The following TMEM117 variants were observed in gnomAD, a reference collection of about 807,000 sequenced individuals.
The protein encoded by TMEM117 is transmembrane protein 117.
Under a neutral mutation model 52.4 loss-of-function variants are expected in TMEM117, and 27 were observed. The observed-to-expected ratio is 0.51, with a 90% confidence interval of 0.38 to 0.71. TMEM117 has a LOEUF of 0.71. TMEM117 is among the 30% of genes least tolerant of loss of function. The pLI, the probability that TMEM117 is intolerant of heterozygous loss-of-function variation, is 0.00. For missense variants in TMEM117, 556 were observed against 630.5 expected, an observed-to-expected ratio of 0.88 and a Z score of 1.26; for synonymous variants, 215 against 206.3, an observed-to-expected ratio of 1.04 and a Z score of -0.36.
chr12:44,259,388 T>G (rs2138535316), intron 5 of TMEM117, among the ~76,000 whole-genome samples: 1 of 152,300 alleles, frequency 6.6e-6, no homozygotes. Flanking sequence ...ATTACAAAGC[T>G]TACTAAAGGG....
chr12:44,046,770 T>G (rs1946887155), intron 3 of TMEM117, among the ~76,000 whole-genome samples: 1 of 152,212 alleles, frequency 6.6e-6, no homozygotes, highest in Non-Finnish European at 1.5e-5. Context: ...AGAAAATATC[T>G]TCATTTTATT....
intron 6 of TMEM117, among the ~76,000 whole-genome samples, chr12:44,367,742 G>A (rs1225017981): frequency 6.6e-6 from 1 of 152,022 alleles, no homozygotes; most frequent in Non-Finnish European, 1.5e-5. Context: ...CATATACTGA[G>A]CTCTCTGGAT....
chr12:43,864,671 C>T (rs191083237), intron 2 of TMEM117, among the ~76,000 whole-genome samples: 6 of 152,266 alleles, frequency 3.9e-5, no homozygotes, highest in Non-Finnish European at 7.4e-5. Context: ...AATCAGCACC[C>T]TGTCAAAACA....
At chr12:44,335,222 C>T (rs1207056646) in intron 6 of TMEM117, among the ~76,000 whole-genome samples, 2 of 151,956 alleles carry the variant, frequency 1.3e-5, no homozygotes, top group Non-Finnish European at 2.9e-5. Context: ...CTTGAAAATT[C>T]AGAGGAGTGT....
chr12:43,846,548 C>T (rs1697150610), intron 2 of TMEM117, among the ~76,000 whole-genome samples: 1 of 152,164 alleles, frequency 6.6e-6, no homozygotes, highest in Non-Finnish European at 1.5e-5. Flanking sequence ...ATGTTCATCG[C>T]TTATTACATG....
At chr12:44,398,661 C>A in the TMEM117 span, among the ~76,000 whole-genome samples, 1 of 152,150 alleles carries the variant, frequency 6.6e-6, no homozygotes, top group Non-Finnish European at 1.5e-5. Context: ...CTGCTGGGGG[C>A]AGGCTACTGG....
intron 5 of TMEM117, among the ~76,000 whole-genome samples, chr12:44,278,107 T>C (rs1015568289): frequency 6.6e-6 from 1 of 152,150 alleles, no homozygotes; most frequent in Non-Finnish European, 1.5e-5. Flanking sequence ...GTTAGGCCCC[T>C]ACAGATAATC....
chr12:44,168,125 G>A (rs539445465), intron 4 of TMEM117, among the ~76,000 whole-genome samples: 153 of 152,042 alleles, frequency 1.0e-3, no homozygotes, highest in African/African-American at 3.5e-3. Context: ...GTGGTGGTGC[G>A]TGCCTGTAGT....
At chr12:43,897,179 T>C (rs1340052924) in intron 2 of TMEM117, among the ~76,000 whole-genome samples, 2 of 152,344 alleles carry the variant, frequency 1.3e-5, no homozygotes, top group Non-Finnish European at 2.9e-5. Flanking sequence ...TTTTCCTCAG[T>C]CTCTCACCAT....
At chr12:44,379,135 A>G (rs1951983474) in intron 7 of TMEM117, among the ~76,000 whole-genome samples, 1 of 151,518 alleles carries the variant, frequency 6.6e-6, no homozygotes, top group Non-Finnish European at 1.5e-5. Context: ...ATAGAAAGAA[A>G]GGAAGAAAGA....
intron 3 of TMEM117, among the ~76,000 whole-genome samples, chr12:43,986,614 G>A (rs571902651): frequency 6.6e-6 from 1 of 152,086 alleles, no homozygotes; most frequent in Non-Finnish European, 1.5e-5. Context: ...CTAAATTTTA[G>A]AATCAATATC....
At chr12:44,206,706 A>G (rs1049203984) in intron 4 of TMEM117, among the ~76,000 whole-genome samples, 9 of 152,172 alleles carry the variant, frequency 5.9e-5, no homozygotes, top group African/African-American at 2.2e-4. Flanking sequence ...GCAAATTAAT[A>G]AAGGAACAGA....
chr12:44,251,624 T>C (rs2138513306), intron 5 of TMEM117, among the ~76,000 whole-genome samples: 1 of 152,302 alleles, frequency 6.6e-6, no homozygotes, highest in South Asian at 2.1e-4. Flanking sequence ...TTGGATTAAT[T>C]TATAACCCAA....
At chr12:44,119,685 G>T (rs528025436) in intron 3 of TMEM117, among the ~76,000 whole-genome samples, 1 of 152,210 alleles carries the variant, frequency 6.6e-6, no homozygotes, top group South Asian at 2.1e-4. Context: ...AGGAGCTTTA[G>T]CCATGTCAGT....
chr12:43,981,929 T>C (rs1945767544), intron 3 of TMEM117, among the ~76,000 whole-genome samples: 2 of 152,084 alleles, frequency 1.3e-5, no homozygotes, highest in Non-Finnish European at 1.5e-5. Context: ...GAGTAAGTTG[T>C]GGTGTTCTAT....
chr12:44,082,564 A>G (rs1203649651), intron 3 of TMEM117, among the ~76,000 whole-genome samples: 4 of 152,110 alleles, frequency 2.6e-5, no homozygotes, highest in South Asian at 2.1e-4. Context: ...ATTGAGAGAA[A>G]TATGTTACAT....
intron 3 of TMEM117, among the ~76,000 whole-genome samples, chr12:44,076,643 T>C (rs1242429769): frequency 6.6e-6 from 1 of 152,216 alleles, no homozygotes; most frequent in Non-Finnish European, 1.5e-5. Context: ...ATATCTCCAA[T>C]TAACCAGTGC....
At chr12:43,897,600 A>G (rs918762532) in intron 2 of TMEM117, among the ~76,000 whole-genome samples, 2 of 151,664 alleles carry the variant, frequency 1.3e-5, no homozygotes, top group Non-Finnish European at 2.9e-5. Context: ...GGCGTGAGCC[A>G]CCGCGCCTGG....
At chr12:43,993,075 T>C (rs1945969897) in intron 3 of TMEM117, among the ~76,000 whole-genome samples, 1 of 152,234 alleles carries the variant, frequency 6.6e-6, no homozygotes, top group Non-Finnish European at 1.5e-5. Context: ...GCCTTGATTA[T>C]GTAGGCAGAG....
Sources: gnomAD v4.1 joint callset for allele counts (sites outside exome capture counted in the v4.1 genomes callset) on GRCh38, gnomAD v4.1.1 for gene constraint, MANE v1.5 for transcripts, NCBI Gene and HGNC (gene_info 2026-07-23, HGNC 2026-07-21) for gene names.